The following RPGRIP1L variants were observed in gnomAD, a reference collection of about 807,000 sequenced individuals.
RPGRIP1L encodes the protein protein fantom.
A neutral mutation model predicts 160.4 loss-of-function variants in RPGRIP1L; 131 were observed. That is an observed-to-expected ratio of 0.82 (90% CI 0.71 to 0.94). RPGRIP1L has a LOEUF of 0.94. Among genes scored for constraint, RPGRIP1L ranks in the 40% least tolerant of loss-of-function variants. The pLI is 0.00. For synonymous variants in RPGRIP1L, 510 were observed against 515.8 expected (o/e 0.99, Z 0.15); for missense variants, 1,522 against 1,535.8 (o/e 0.99, Z 0.15).
At chr16:53,655,533 G>T (rs1334534570) in intron 14 of RPGRIP1L, 6 of 152,076 alleles carry the variant, frequency 3.9e-5, no homozygotes, top group Admixed American at 3.9e-4. Flanking sequence ...CTTACATTTT[G>T]GTTATGGAGA....
At chr16:53,688,710 T>A (rs1009119365) in intron 4 of RPGRIP1L, among the ~76,000 whole-genome samples, 6 of 152,084 alleles carry the variant, frequency 3.9e-5, no homozygotes, top group African/African-American at 9.6e-5. Context: ...ATTTATTCCT[T>A]TAGAAAAGTT....
chr16:53,648,655 CACAA>C (rs1211801547), intron 16 of RPGRIP1L, among the ~76,000 whole-genome samples: 1 of 151,770 alleles, frequency 6.6e-6, no homozygotes, highest in African/African-American at 2.4e-5. Flanking sequence ...CACACACACA[CACAA>C]AAGTGCATGT....
At position 53,669,596 on chromosome 16, in the gene RPGRIP1L, T is replaced by C. The variant is rs139955174; in HGVS notation, c.1103+1914A>G. Among the ~76,000 whole-genome samples the C allele has an allele frequency of 1.2e-3, 190 of 152,298 alleles. 1 individual carries two copies. The highest frequency in any genetic ancestry group is 4.2e-3 in the African/African-American group (176 of 41,592). ...GTTTATACATTATTCCCAGGTAAGTTTGATTTTTTTTATTCCAAGTAAGTA... is the reference window on the plus strand; with the variant it reads ...GTTTATACATTATTCCCAGGTAAGTCTGATTTTTTTTATTCCAAGTAAGTA... On this transcript the variant is annotated intron_variant, in intron 9 of 26. Transcript: ENST00000647211.
At chr16:53,670,838 T>C (rs748325234) in intron 9 of RPGRIP1L, among the ~76,000 whole-genome samples, 2 of 152,182 alleles carry the variant, frequency 1.3e-5, no homozygotes, top group Non-Finnish European at 2.9e-5. Context: ...CTCACCCCTG[T>C]AATCTCAGCA....
intron 17 of RPGRIP1L, among the ~76,000 whole-genome samples, chr16:53,641,830 G>A (rs1050623918): frequency 7.2e-5 from 11 of 152,004 alleles, no homozygotes; most frequent in Non-Finnish European, 1.2e-4. Context: ...GCCTTCCTTC[G>A]TGAAGGCTCA....
intron 19 of RPGRIP1L, among the ~76,000 whole-genome samples, chr16:53,640,384 G>C (rs1966129738): frequency 6.6e-6 from 1 of 152,316 alleles, no homozygotes; most frequent in Non-Finnish European, 1.5e-5. Flanking sequence ...TTATAAATAT[G>C]AAAGTGTCAG....
In RPGRIP1L at chr16:53,600,106, T is replaced by C. The variant is rs1963316033; in HGVS notation, c.*1970A>G. 6.6e-6 allele frequency: 1 copy of C among 152,586 alleles called. No individual in the cohort carries two copies. Among genetic ancestry groups the C allele is most frequent in the Non-Finnish European group, 1.5e-5 (1 of 68,030 alleles). The allele number at this position is 152,586 out of a possible 1,614,324, so 9.5% of individuals were successfully genotyped here. ...TTCTCCCTGCAGAAGGGTTATTTAGTTTGGGATGTAACATTTTACAACAAT... is the reference window on the plus strand; with the variant it reads ...TTCTCCCTGCAGAAGGGTTATTTAGCTTGGGATGTAACATTTTACAACAAT... On this transcript the variant is annotated 3_prime_UTR_variant, in exon 27 of 27. Coordinates refer to ENST00000647211, the MANE Select transcript of RPGRIP1L (RefSeq NM_015272.5).
intron 24 of RPGRIP1L, among the ~76,000 whole-genome samples, chr16:53,616,186 A>C (rs1376851467): frequency 6.6e-6 from 1 of 152,214 alleles, no homozygotes; most frequent in African/African-American, 2.4e-5. Flanking sequence ...CAGTTTGGAA[A>C]TAAAATTACT....
intron 1 of RPGRIP1L, among the ~76,000 whole-genome samples, chr16:53,703,062 A>G (rs1971602157): frequency 6.6e-6 from 1 of 152,144 alleles, no homozygotes; most frequent in African/African-American, 2.4e-5. Context: ...TCAGGCCAGG[A>G]GTTCGAGACC....
At chr16:53,634,711 C>T (rs1030139492) in intron 22 of RPGRIP1L, among the ~76,000 whole-genome samples, 3 of 152,178 alleles carry the variant, frequency 2.0e-5, no homozygotes, top group Admixed American at 6.5e-5. Context: ...TCCCCTTATC[C>T]TTATGCCATG....
At position 53,638,978 on chromosome 16, in the gene RPGRIP1L, G is replaced by GT. The variant is rs900192387; in HGVS notation, c.2959-568dup. 3.3e-3 allele frequency among the ~76,000 whole-genome samples: 494 copies of GT among 147,756 alleles called. 3 individuals are homozygous for GT. The highest frequency in any genetic ancestry group is 0.011 in the African/African-American group (441 of 40,466). On this transcript the variant is annotated intron_variant, in intron 19 of 26. Transcript: ENST00000647211. ...GGGAACATTAACTTTTATTTTCACT[G>GT]TTTTTTTTTTCTTCTTTGTATTTTC...
At chr16:53,640,899 C>CAATCA in intron 19 of RPGRIP1L, 134 bp downstream of exon 19, 1 of 746,050 alleles carries the variant, frequency 1.3e-6, no homozygotes. Context: ...AAACACAAAG[C>CAATCA]AATCACTTTA....
At chr16:53,654,106 G>A (rs1967047241) in intron 14 of RPGRIP1L, among the ~76,000 whole-genome samples, 1 of 152,160 alleles carries the variant, frequency 6.6e-6, no homozygotes, top group Admixed American at 6.6e-5. Flanking sequence ...TGGGATTACA[G>A]GCACCTGCCA....
In RPGRIP1L at chr16:53,641,402, A is replaced by T; in HGVS notation, c.2757T>A (p.Ala919=). 1 of 1,614,084 alleles carries T rather than the reference A, an allele frequency of 6.2e-7. No homozygotes were observed. The highest frequency in any genetic ancestry group is 8.5e-7 in the Non-Finnish European group (1 of 1,179,958). ...TTATTGATCCACTTGGTGGAAGGTA[A>T]GCAAATTTCCATTTCAATATAACAT... is the stretch of plus-strand genomic sequence containing the variant. ...TIHVILKWKF[A]YLPPSGSITT... Residue 919 remains alanine (A), a synonymous_variant, in exon 18 of 27, where the codon GCT becomes GCA. Transcript: ENST00000647211.
chr16:53,641,170 G>C (rs1598299312), intron 18 of RPGRIP1L, 54 bp from the exon 19 acceptor site: 1 of 1,548,674 alleles, frequency 6.5e-7, no homozygotes, highest in South Asian at 1.1e-5. Context: ...TTAGATTTCA[G>C]ATAAGACTTT....
intron 22 of RPGRIP1L, among the ~76,000 whole-genome samples, chr16:53,630,377 ATCACTAAGGCAAAATTTAT>A (rs1454427112): frequency 6.6e-6 from 1 of 152,222 alleles, no homozygotes; most frequent in African/African-American, 2.4e-5. Flanking sequence ...AAATGAAATC[ATCACTAAGGCAAAATTTAT>A]TCATTAGTTT....
intron 24 of RPGRIP1L, among the ~76,000 whole-genome samples, chr16:53,617,312 T>C (rs1322249854): frequency 2.0e-5 from 3 of 152,088 alleles, no homozygotes; most frequent in Non-Finnish European, 2.9e-5. Context: ...CAACCAAATA[T>C]TCTACTCCTG....
Position 53,652,989 on chromosome 16 carries a change from T to G in RPGRIP1L, c.1700-2A>C. 1.2e-6 allele frequency: 2 copies of G among 1,609,610 alleles called. No individual in the cohort carries two copies. Among genetic ancestry groups the G allele is most frequent in the Non-Finnish European group, 1.7e-6 (2 of 1,176,932 alleles). ...CATAGGCAATATCCTTTAATTGGGC[T>G]GCAAGAGAAGACACACAGTTTAGAG... On this transcript the variant is annotated splice_acceptor_variant, in intron 14 of 26. Transcript: ENST00000647211. LOFTEE classifies it high-confidence loss of function.
chr16:53,679,242 A>C (rs1969429347), intron 6 of RPGRIP1L, among the ~76,000 whole-genome samples: 1 of 152,248 alleles, frequency 6.6e-6, no homozygotes, highest in South Asian at 2.1e-4. Flanking sequence ...TCAGCTCTCT[A>C]CATGCATAAA....
Sources: gnomAD v4.1 joint callset for allele counts (sites outside exome capture counted in the v4.1 genomes callset) on GRCh38, gnomAD v4.1.1 for gene constraint, MANE v1.5 for transcripts, NCBI Gene and HGNC (gene_info 2026-07-23, HGNC 2026-07-21) for gene names.